Variants in L3MBTL3 observed in about 807,000 individuals in gnomAD.
L3MBTL3 encodes lethal(3)malignant brain tumor-like protein 3.
Under a neutral mutation model 102.3 loss-of-function variants are expected in L3MBTL3, and 27 were observed. The observed-to-expected ratio is 0.26, with a 90% CI of 0.19 to 0.36. L3MBTL3 has a LOEUF of 0.36. Ranked by LOEUF, L3MBTL3 falls within the 10% of genes least tolerant of loss-of-function variation. L3MBTL3 has a pLI of 1.00. For synonymous variants in L3MBTL3, 340 were observed against 320.9 expected, an observed-to-expected ratio of 1.06 and a Z score of -0.64; for missense variants, 798 against 955.3, an observed-to-expected ratio of 0.84 and a Z score of 2.17.
intron 18 of L3MBTL3, among the ~76,000 whole-genome samples, chr6:130,102,994 A>G (rs1002008581): frequency 6.6e-6 from 1 of 152,240 alleles, no homozygotes; most frequent in Non-Finnish European, 1.5e-5. Flanking sequence ...CAATGCCTGG[A>G]AAGGTAATTA....
intron 18 of L3MBTL3, among the ~76,000 whole-genome samples, chr6:130,100,778 G>A (rs1164959593): frequency 6.6e-6 from 1 of 152,116 alleles, no homozygotes; most frequent in Non-Finnish European, 1.5e-5. Flanking sequence ...AATAGGTGAC[G>A]ATGCTGCCCT....
intron 18 of L3MBTL3, among the ~76,000 whole-genome samples, chr6:130,103,134 A>C (rs889687987): frequency 2.0e-5 from 3 of 152,372 alleles, no homozygotes; most frequent in East Asian, 1.9e-4. Flanking sequence ...AAGATAAAGT[A>C]AAATATTGCA....
intron 19 of L3MBTL3, among the ~76,000 whole-genome samples, chr6:130,116,807 G>A (rs1377395626): frequency 4.6e-5 from 7 of 151,826 alleles, no homozygotes; most frequent in African/African-American, 7.3e-5. Context: ...CTTTTGAAAC[G>A]AAATTGTTGA....
intron 16 of L3MBTL3, among the ~76,000 whole-genome samples, chr6:130,091,506 A>G (rs1784045483): frequency 6.6e-6 from 1 of 152,160 alleles, no homozygotes; most frequent in South Asian, 2.1e-4. Flanking sequence ...TCACTAGAAG[A>G]CCAACTGCCC....
At position 130,042,779 on chromosome 6, in the gene L3MBTL3, C is replaced by T. The variant is rs772613559; in HGVS notation, c.80C>T (p.Thr27Met). The change falls in exon 3 of 23, where the codon ACG becomes ATG. Residue 27 changes from threonine to methionine, a missense_variant. Thr to Met is a moderately conservative substitution (Grantham distance 81). Around this residue, in one of 4 missense-constraint regions of L3MBTL3, gnomAD observed 434 missense variants for 506.6 expected, o/e 0.86. Transcript: ENST00000361794. ...SVMDWKDGVG[T>M]LPGSDLKFRV... ...ATGGACTGGAAAGATGGAGTGGGCA[C>T]GTTACCAGGAAGTGACTTAAAGGTA... 2.1e-5 allele frequency: 34 copies of T among 1,612,298 alleles called. No individual in the cohort carries two copies. The highest frequency in any genetic ancestry group is 3.3e-5 in the South Asian group (3 of 91,022).
At chr6:130,022,448 T>G (rs1215053423) in intron 2 of L3MBTL3, 143 bp downstream of exon 2, 1 of 152,206 alleles carries the variant, frequency 6.6e-6, no homozygotes, top group Non-Finnish European at 1.5e-5. Flanking sequence ...ATGAATGTAT[T>G]GACACTAAAT....
intron 19 of L3MBTL3, among the ~76,000 whole-genome samples, chr6:130,117,628 C>T (rs1345374549): frequency 6.6e-6 from 1 of 152,144 alleles, no homozygotes; most frequent in African/African-American, 2.4e-5. Flanking sequence ...CATATTCAGC[C>T]AGAATTTGCG....
intron 3 of L3MBTL3, among the ~76,000 whole-genome samples, chr6:130,043,886 G>T (rs1204264986): frequency 6.6e-6 from 1 of 152,144 alleles, no homozygotes; most frequent in Non-Finnish European, 1.5e-5. Flanking sequence ...TCTGAGTTTA[G>T]TTTAACAAAA....
At chr6:130,066,150 C>A (rs899132742) in intron 10 of L3MBTL3, among the ~76,000 whole-genome samples, 2 of 152,136 alleles carry the variant, frequency 1.3e-5, no homozygotes, top group Admixed American at 6.5e-5. Context: ...CAGAATGCCA[C>A]AGCTCAGCTC....
chr6:130,054,350 C>G (rs1781322603), intron 7 of L3MBTL3, among the ~76,000 whole-genome samples: 1 of 152,062 alleles, frequency 6.6e-6, no homozygotes. Context: ...CAGGGGAAGC[C>G]TCTGGAAAGT....
intron 5 of L3MBTL3, 34 bp downstream of exon 5, chr6:130,049,864 C>T (rs913695691): frequency 6.3e-7 from 1 of 1,586,814 alleles, no homozygotes; most frequent in Non-Finnish European, 8.6e-7. Context: ...AAATGCAATT[C>T]ATTTTCTATT....
In L3MBTL3 at chr6:130,060,118, A is replaced by G; in HGVS notation, c.842A>G (p.Tyr281Cys). 1 of 1,608,736 alleles carries G rather than the reference A, an allele frequency of 6.2e-7. No individual in the cohort carries two copies. Among genetic ancestry groups the G allele is most frequent in the Non-Finnish European group, 8.5e-7 (1 of 1,176,514 alleles). ...EGVDPEHQSV[Y>C]CVLTVAEVCG... is the part of the protein sequence containing the mutation. ...GTGGATCCTGAGCATCAGTCTGTGT[A>G]CTGTGTCCTCACCGTCGCGGAGGTA... Residue 281 changes from tyrosine (Y) to cysteine (C), a missense_variant, in exon 10 of 23, where the codon TAC (tyrosine) becomes TGC (cysteine). Transcript: ENST00000361794.
At position 130,104,453 on chromosome 6, in the gene L3MBTL3, C is replaced by A; in HGVS notation, c.1764C>A (p.Ile588=). Residue 588 remains isoleucine, a synonymous_variant, in exon 19 of 23, where the codon ATC becomes ATA. Coordinates refer to ENST00000361794, the MANE Select transcript of L3MBTL3 (RefSeq NM_032438.4). ...HSAANCPYSE[I]NLNKDRIFPD... ...CTGCCAACTGTCCCTATTCAGAAAT[C>A]AATTTGAATAAAGACCGTATTTTTC... 1 of 1,571,880 alleles carries A rather than the reference C, an allele frequency of 6.4e-7. No individual in the cohort carries two copies. Among genetic ancestry groups the A allele is most frequent in the South Asian group, 1.2e-5 (1 of 81,330 alleles).
chr6:130,129,421 C>A (rs1219506500), intron 20 of L3MBTL3, among the ~76,000 whole-genome samples: 2 of 152,094 alleles, frequency 1.3e-5, no homozygotes, highest in Non-Finnish European at 1.5e-5. Flanking sequence ...TCTTATCTTT[C>A]CACTGTTGAG....
intron 13 of L3MBTL3, among the ~76,000 whole-genome samples, chr6:130,078,240 T>G (rs1783083700): frequency 6.6e-6 from 1 of 152,230 alleles, no homozygotes; most frequent in Non-Finnish European, 1.5e-5. Flanking sequence ...TCCACATGAT[T>G]TTAATGAATC....
At chr6:130,094,088 C>A (rs921947928) in intron 17 of L3MBTL3, among the ~76,000 whole-genome samples, 177 bp from the exon 18 acceptor site, 1 of 152,056 alleles carries the variant, frequency 6.6e-6, no homozygotes, top group Non-Finnish European at 1.5e-5. Context: ...TTAAACGTAG[C>A]GTCTTTTAAA....
chr6:130,070,644 G>A (rs897540078), intron 12 of L3MBTL3, among the ~76,000 whole-genome samples: 1 of 152,072 alleles, frequency 6.6e-6, no homozygotes, highest in African/African-American at 2.4e-5. Flanking sequence ...ACTATATGGT[G>A]AATAAAACTT....
intron 10 of L3MBTL3, among the ~76,000 whole-genome samples, chr6:130,061,968 G>A (rs1239718760): frequency 2.0e-5 from 3 of 152,150 alleles, no homozygotes; most frequent in African/African-American, 4.8e-5. Context: ...AGGGAATTGT[G>A]TCTTGCGCCA....
intron 10 of L3MBTL3, among the ~76,000 whole-genome samples, chr6:130,063,810 A>G (rs1306943117): frequency 1.3e-5 from 2 of 152,194 alleles, no homozygotes; most frequent in Non-Finnish European, 2.9e-5. Flanking sequence ...ACATCACCCA[A>G]GAAAAGCACA....
Sources: gnomAD v4.1 joint callset for allele counts (sites outside exome capture counted in the v4.1 genomes callset) on GRCh38, gnomAD v4.1.1 for gene constraint, gnomAD v4.1.1 regional missense constraint, MANE v1.5 for transcripts, NCBI Gene and HGNC (gene_info 2026-07-23, HGNC 2026-07-21) for gene names.